Variants in ZBBX observed in about 807,000 individuals in gnomAD.
The protein encoded by ZBBX is zinc finger B-box domain containing.
ZBBX carries 101 observed loss-of-function variants against 108.5 expected under a neutral mutation model. The observed-to-expected ratio is 0.93, with a 90% CI of 0.79 to 1.10. The LOEUF is 1.10. Ranked by LOEUF, ZBBX falls within the 50% of genes least tolerant of loss-of-function variation. The pLI is 0.00. For missense variants in ZBBX, 1,009 were observed against 941.4 expected, an observed-to-expected ratio of 1.07 and a Z score of -0.94; for synonymous variants, 356 against 323.4, an observed-to-expected ratio of 1.10 and a Z score of -1.08.
At chr3:167,219,390 T>C in the ZBBX span, among the ~76,000 whole-genome samples, 110,251 of 151,858 alleles carry the variant, frequency 0.73, 40,166 homozygotes, top group East Asian at 0.83. Flanking sequence ...ACAAAACAAG[T>C]CTTTAAAAGT....
intron 7 of ZBBX, among the ~76,000 whole-genome samples, 167 bp downstream of exon 7, chr3:167,360,508 C>T (rs1332006564): frequency 1.3e-5 from 2 of 151,790 alleles, no homozygotes; most frequent in South Asian, 4.1e-4. Flanking sequence ...CAAAAGCCCC[C>T]CTAACCACCC....
chr3:167,296,635 A>T (rs1254686686), intron 18 of ZBBX, among the ~76,000 whole-genome samples: 1 of 152,008 alleles, frequency 6.6e-6, no homozygotes, highest in African/African-American at 2.4e-5. Flanking sequence ...CAACAGCCTA[A>T]AAAAGAAACA....
rs1745251344 is a variant in ZBBX, at chr3:167,365,942, C to T, written c.217G>A (p.Gly73Ser). 6.2e-7 allele frequency: 1 copy of T among 1,608,150 alleles called. No individual in the cohort carries two copies. Among genetic ancestry groups the T allele is most frequent in the Non-Finnish European group, 8.5e-7 (1 of 1,176,148 alleles). The change falls in exon 6 of 22, where the codon GGC becomes AGC. Residue 73 changes from glycine to serine, a missense_variant. Gly to Ser is a moderately conservative substitution (Grantham distance 56). Coordinates refer to ENST00000675490, the MANE Select transcript of ZBBX (RefSeq NM_001199201.2). ...SEYYWKSGKVGKLVNQSYMMS... is the reference protein window; with the variant it reads ...SEYYWKSGKVSKLVNQSYMMS... ...ATATATGATTGATTGACCAATTTGC[C>T]CACTTTTCCAGATTTCCAGTAATAC...
At chr3:167,316,248 T>C (rs1235430901) in intron 14 of ZBBX, among the ~76,000 whole-genome samples, 1 of 152,032 alleles carries the variant, frequency 6.6e-6, no homozygotes, top group Non-Finnish European at 1.5e-5. Flanking sequence ...GAAATAAAAA[T>C]GTTGTTAGCC....
chr3:167,182,853 A>C, the ZBBX span, among the ~76,000 whole-genome samples: 22 of 152,206 alleles, frequency 1.4e-4, no homozygotes, highest in African/African-American at 5.1e-4. Context: ...TGAGTAATTT[A>C]AAAGGAAAAG....
At chr3:167,235,204 T>C (rs1720182947), downstream of ZBBX, among the ~76,000 whole-genome samples, 2 of 151,638 alleles carry the variant, frequency 1.3e-5, no homozygotes, top group Non-Finnish European at 3.0e-5. Flanking sequence ...GGCTATGACA[T>C]AGAAAGTCAG....
At chr3:167,253,719 G>A (rs115855031) in intron 20 of ZBBX, among the ~76,000 whole-genome samples, 2,123 of 152,176 alleles carry the variant, frequency 0.014, 27 homozygotes, top group South Asian at 0.026. Context: ...AAGATGGAAG[G>A]TAGGAACAAA....
At chr3:167,194,229 A>AATATATATATATATATATATAT in the ZBBX span, among the ~76,000 whole-genome samples, 1,167 of 139,514 alleles carry the variant, frequency 8.4e-3, 17 homozygotes, top group Non-Finnish European at 0.012. Flanking sequence ...ATATGTACTA[A>AATATATATATATATATATATAT]ATATATATAT....
At position 167,398,823 on chromosome 3, in the gene ZBBX, T is replaced by C. The variant is rs534200797; in HGVS notation, c.-446+8903A>G. On this transcript the variant is annotated intron_variant, in intron 1 of 21. Coordinates refer to the ZBBX transcript ENST00000455345. ...AATATTAATCCCCTATGTGACAGTA[T>C]TGAGGGATGGGGCCAGATTTTTAAG... Among the ~76,000 whole-genome samples, 4 of 152,124 alleles carry C rather than the reference T, an allele frequency of 2.6e-5. No homozygotes were observed. The East Asian group carries it at 7.7e-4, about 29-fold the overall frequency.
At chr3:167,397,530 C>G (rs1190645253) in intron 1 of ZBBX, among the ~76,000 whole-genome samples, 1 of 151,652 alleles carries the variant, frequency 6.6e-6, no homozygotes, top group Admixed American at 6.6e-5. Flanking sequence ...ATATTTCATT[C>G]CCAAATGTAA....
upstream of ZBBX, among the ~76,000 whole-genome samples, chr3:167,382,135 A>G (rs1747769048): frequency 1.3e-5 from 2 of 152,234 alleles, no homozygotes; most frequent in South Asian, 4.1e-4. Context: ...AAAATAATGT[A>G]TAAAGTATTC....
the ZBBX span, among the ~76,000 whole-genome samples, chr3:167,185,484 A>C: frequency 6.6e-6 from 1 of 152,166 alleles, no homozygotes; most frequent in Non-Finnish European, 1.5e-5. Flanking sequence ...CACTTTTATA[A>C]TTACAAAATA....
intron 1 of ZBBX, among the ~76,000 whole-genome samples, chr3:167,401,661 C>A (rs959906313): frequency 6.6e-6 from 1 of 152,158 alleles, no homozygotes; most frequent in African/African-American, 2.4e-5. Context: ...AGAGGTCACT[C>A]ATCACCATCT....
intron 20 of ZBBX, among the ~76,000 whole-genome samples, chr3:167,276,592 T>C (rs1362981329): frequency 1.3e-5 from 2 of 152,130 alleles, no homozygotes; most frequent in African/African-American, 2.4e-5. Context: ...TATGGGACTA[T>C]GTGAAAAGAC....
the ZBBX span, among the ~76,000 whole-genome samples, chr3:167,193,642 C>T: frequency 6.6e-6 from 1 of 152,044 alleles, no homozygotes; most frequent in African/African-American, 2.4e-5. Context: ...GTGGTTCTCC[C>T]ATGTTCTCCC....
chr3:167,315,874 T>G (rs1735366125), intron 14 of ZBBX, 45 bp from the exon 15 acceptor site: 3 of 1,254,668 alleles, frequency 2.4e-6, no homozygotes, highest in East Asian at 2.6e-5. Flanking sequence ...TCATAAAAAT[T>G]TATTACACAT....
At chr3:167,348,358 A>AAGAAAGAAAGAAAGAAAG (rs1553832924) in intron 9 of ZBBX, among the ~76,000 whole-genome samples, 55 of 144,322 alleles carry the variant, frequency 3.8e-4, no homozygotes, top group Admixed American at 2.6e-3. Context: ...GAAAGAAAGA[A>AAGAAAGAAAGAAAGAAAG]AGAAAGAAAG....
At chr3:167,376,934 C>T (rs917245129) in intron 2 of ZBBX, among the ~76,000 whole-genome samples, 1 of 152,116 alleles carries the variant, frequency 6.6e-6, no homozygotes, top group Non-Finnish European at 1.5e-5. Flanking sequence ...AATAGCAAAG[C>T]ACAAAATTTT....
the ZBBX span, among the ~76,000 whole-genome samples, chr3:167,233,091 C>G: frequency 2.6e-5 from 4 of 151,788 alleles, no homozygotes; most frequent in Non-Finnish European, 5.9e-5. Context: ...TTCAGAGAAG[C>G]CTATGGCATA....
Sources: gnomAD v4.1 joint callset for allele counts (sites outside exome capture counted in the v4.1 genomes callset) on GRCh38, gnomAD v4.1.1 for gene constraint, MANE v1.5 for transcripts, NCBI Gene and HGNC (gene_info 2026-07-23, HGNC 2026-07-21) for gene names.